The following MCTP2 variants were observed in gnomAD, a reference collection of about 807,000 sequenced individuals.
MCTP2 encodes the protein multiple C2 and transmembrane domain-containing protein 2.
MCTP2 carries 132 observed loss-of-function variants against 111.6 expected under a neutral mutation model. That is an observed-to-expected ratio of 1.18 (90% CI 1.03 to 1.37). The LOEUF (loss-of-function observed/expected upper bound fraction) is 1.37. Ranked by LOEUF, MCTP2 falls within the 40% of genes most tolerant of loss-of-function variation. MCTP2 has a pLI of 0.00. For missense variants in MCTP2, 1,183 were observed against 1,067.9 expected, an observed-to-expected ratio of 1.11 and a Z score of -1.50; for synonymous variants, 395 against 387.7, an observed-to-expected ratio of 1.02 and a Z score of -0.22.
At chr15:94,443,594 G>A (rs2083915558) in intron 19 of MCTP2, among the ~76,000 whole-genome samples, 1 of 152,160 alleles carries the variant, frequency 6.6e-6, no homozygotes, top group African/African-American at 2.4e-5. Context: ...GGAAGCTTGT[G>A]CAGAGGAAAG....
intron 4 of MCTP2, among the ~76,000 whole-genome samples, chr15:94,316,767 G>GT (rs2076395261): frequency 6.6e-6 from 1 of 151,928 alleles, no homozygotes; most frequent in African/African-American, 2.4e-5. Flanking sequence ...AAATATATCT[G>GT]TTTTTTTCTT....
At chr15:94,288,634 C>T (rs574632777) in intron 1 of MCTP2, among the ~76,000 whole-genome samples, 53 of 152,172 alleles carry the variant, frequency 3.5e-4, no homozygotes, top group Non-Finnish European at 6.3e-4. Context: ...TCAAAATGTC[C>T]AAGGTATAAT....
chr15:94,284,170 T>C (rs191750436), intron 1 of MCTP2, among the ~76,000 whole-genome samples: 153 of 152,318 alleles, frequency 1.0e-3, no homozygotes, highest in African/African-American at 3.4e-3. Flanking sequence ...TGGGACCTTA[T>C]TGGTAATTTG....
chr15:94,342,804 A>G (rs1162085010), intron 7 of MCTP2: 3 of 150,682 alleles, frequency 2.0e-5, no homozygotes, highest in African/African-American at 7.3e-5. Flanking sequence ...TTATCTCCAT[A>G]TCCATATTTA....
intron 13 of MCTP2, among the ~76,000 whole-genome samples, chr15:94,384,622 G>T (rs1338628967): frequency 6.6e-6 from 1 of 152,184 alleles, no homozygotes; most frequent in East Asian, 1.9e-4. Context: ...ATAGATTTAA[G>T]ATCTTAGTTT....
chr15:94,266,861 G>T (rs1228458388), intron 1 of MCTP2, among the ~76,000 whole-genome samples: 2 of 152,162 alleles, frequency 1.3e-5, no homozygotes, highest in Non-Finnish European at 2.9e-5. Flanking sequence ...AAACATTTTT[G>T]CAATTTTGTG....
rs535275509 is a variant in MCTP2, at chr15:94,278,471, A to G, written c.-65-19730A>G. Among the ~76,000 whole-genome samples the G allele has an allele frequency of 3.6e-4, 55 of 152,324 alleles. 1 individual carries two copies. The Middle Eastern group carries it at 0.01, about 28-fold the overall frequency. ...ATATCACCCCCATCTAAAACCATTA[A>G]CAATTCAGGATAGAGTAAATGACTG... is the stretch of plus-strand genomic sequence containing the variant. On this transcript the variant is annotated intron_variant, in intron 1 of 22. Transcript: ENST00000357742.
At chr15:94,238,536 A>C (rs1296515704) in intron 1 of MCTP2, among the ~76,000 whole-genome samples, 1 of 152,236 alleles carries the variant, frequency 6.6e-6, no homozygotes, top group Non-Finnish European at 1.5e-5. Context: ...TCTTTTATCC[A>C]AAAACTATTC....
chr15:94,475,832 G>A (rs544512257), intron 21 of MCTP2, among the ~76,000 whole-genome samples: 37 of 152,256 alleles, frequency 2.4e-4, no homozygotes, highest in African/African-American at 7.2e-4. Flanking sequence ...GGGGCAGAGC[G>A]TGTCCTGGAT....
At chr15:94,259,912 C>T (rs1482491727) in intron 1 of MCTP2, among the ~76,000 whole-genome samples, 2 of 152,176 alleles carry the variant, frequency 1.3e-5, no homozygotes, top group African/African-American at 4.8e-5. Flanking sequence ...GGCTTAGTCT[C>T]ACCCTTGTGC....
chr15:94,472,905 ATT>A (rs909405749), intron 21 of MCTP2, among the ~76,000 whole-genome samples: 2 of 152,128 alleles, frequency 1.3e-5, no homozygotes, highest in African/African-American at 4.8e-5. Context: ...CTTTGCAGCA[ATT>A]TTTTTCTCAC....
intron 19 of MCTP2, among the ~76,000 whole-genome samples, chr15:94,456,630 G>GA (rs1271213818): frequency 6.6e-6 from 1 of 152,144 alleles, no homozygotes; most frequent in Non-Finnish European, 1.5e-5. Flanking sequence ...TAGAGTAAGG[G>GA]AAAAAATTCA....
chr15:94,405,156 C>T (rs1478148450), intron 17 of MCTP2, among the ~76,000 whole-genome samples: 1 of 152,170 alleles, frequency 6.6e-6, no homozygotes, highest in Non-Finnish European at 1.5e-5. Context: ...TTGAACCAGT[C>T]CCTGGTGGGG....
intron 11 of MCTP2, among the ~76,000 whole-genome samples, chr15:94,369,406 G>A (rs1435360142): frequency 6.6e-6 from 1 of 152,158 alleles, no homozygotes; most frequent in Non-Finnish European, 1.5e-5. Context: ...TTATCTGCCG[G>A]CCTCTTTCAT....
chr15:94,251,946 G>A (rs370659022), intron 1 of MCTP2, among the ~76,000 whole-genome samples: 2 of 152,124 alleles, frequency 1.3e-5, no homozygotes, highest in South Asian at 4.1e-4. Context: ...GTTCATCCAC[G>A]TCCTAGCAAT....
chr15:94,331,470 G>A (rs1212866204), intron 4 of MCTP2, among the ~76,000 whole-genome samples: 5 of 152,082 alleles, frequency 3.3e-5, no homozygotes, highest in Non-Finnish European at 4.4e-5. Context: ...GGAGGTCTGG[G>A]ATGGTATGGG....
intron 17 of MCTP2, among the ~76,000 whole-genome samples, chr15:94,407,790 C>G (rs1256192345): frequency 1.0e-5 from 1 of 100,310 alleles, no homozygotes; most frequent in Non-Finnish European, 2.1e-5. Context: ...CACACACACA[C>G]ACACACACAC....
chr15:94,408,871 GTTAGCTCCCCCT>G (rs2082023076), intron 17 of MCTP2, among the ~76,000 whole-genome samples: 1 of 152,162 alleles, frequency 6.6e-6, no homozygotes, highest in Non-Finnish European at 1.5e-5. Flanking sequence ...GATGTAAATG[GTTAGCTCCCCCT>G]TTTGTGTGTA....
intron 1 of MCTP2, among the ~76,000 whole-genome samples, chr15:94,266,121 C>T (rs1334595033): frequency 8.0e-6 from 1 of 124,552 alleles, no homozygotes; most frequent in Non-Finnish European, 1.9e-5. Context: ...AATATGCACA[C>T]ACTGGATGAT....
Sources: allele counts gnomAD v4.1 joint callset (sites outside exome capture counted in the v4.1 genomes callset), GRCh38; gene constraint gnomAD v4.1.1; transcripts MANE v1.5; gene names NCBI Gene and HGNC (gene_info 2026-07-23, HGNC 2026-07-21).